The following GRM7 variants were observed in gnomAD, a reference collection of about 807,000 sequenced individuals.
GRM7 encodes metabotropic glutamate receptor 7.
In GRM7, 35 loss-of-function variants were observed where a neutral mutation model predicts 84.5. The observed-to-expected ratio is 0.41, with a 90% CI of 0.32 to 0.55. The LOEUF is 0.55. GRM7 is among the 20% of genes least tolerant of loss of function. The pLI is 0.19. For missense variants in GRM7, 1,003 were observed against 1,194.6 expected, an observed-to-expected ratio of 0.84 and a Z score of 2.36; for synonymous variants, 487 against 455.1, an observed-to-expected ratio of 1.07 and a Z score of -0.89.
intron 3 of GRM7, among the ~76,000 whole-genome samples, chr3:7,300,130 G>A (rs1699947280): frequency 6.6e-6 from 1 of 152,130 alleles, no homozygotes; most frequent in Non-Finnish European, 1.5e-5. Flanking sequence ...TGAAAGAGCT[G>A]TTTATGTGTG....
intron 2 of GRM7, among the ~76,000 whole-genome samples, chr3:7,219,940 A>T (rs181212754): frequency 6.6e-6 from 1 of 152,342 alleles, no homozygotes; most frequent in East Asian, 1.9e-4. Flanking sequence ...TGTCAAAGGG[A>T]TGCAGGACCA....
intron 4 of GRM7, among the ~76,000 whole-genome samples, chr3:7,310,555 A>G (rs1245667058): frequency 6.6e-6 from 1 of 152,160 alleles, no homozygotes; most frequent in Non-Finnish European, 1.5e-5. Flanking sequence ...GAATGGGGAA[A>G]AAAAATGAGA....
intron 4 of GRM7, among the ~76,000 whole-genome samples, chr3:7,321,561 C>A (rs1002374326): frequency 1.3e-5 from 2 of 151,126 alleles, no homozygotes; most frequent in African/African-American, 4.8e-5. Context: ...TTATCTTTTT[C>A]TATTTTATTT....
At chr3:6,995,686 C>A (rs1291708671) in intron 1 of GRM7, among the ~76,000 whole-genome samples, 2 of 152,084 alleles carry the variant, frequency 1.3e-5, no homozygotes, top group African/African-American at 4.8e-5. Context: ...ATTGGAACAG[C>A]TATTTTTAAA....
chr3:7,045,876 T>G (rs1287743627), intron 1 of GRM7, among the ~76,000 whole-genome samples: 2 of 152,150 alleles, frequency 1.3e-5, no homozygotes, highest in African/African-American at 4.8e-5. Context: ...TCAGGTTTCA[T>G]TTTCTATGGA....
chr3:7,518,007 A>C (rs1016318902), intron 7 of GRM7, among the ~76,000 whole-genome samples: 6 of 152,090 alleles, frequency 3.9e-5, no homozygotes, highest in African/African-American at 1.4e-4. Context: ...ATAAAAGAGG[A>C]CTTGGTTGGG....
At chr3:6,938,134 T>C (rs1254868486) in intron 1 of GRM7, among the ~76,000 whole-genome samples, 2 of 152,192 alleles carry the variant, frequency 1.3e-5, no homozygotes, top group African/African-American at 4.8e-5. Flanking sequence ...ATAGAGTCTC[T>C]AAGAAACAAT....
chr3:7,237,337 A>G (rs897323776), intron 2 of GRM7, among the ~76,000 whole-genome samples: 2 of 152,146 alleles, frequency 1.3e-5, no homozygotes, highest in Non-Finnish European at 2.9e-5. Flanking sequence ...TAGCTAGTGA[A>G]TAATCATTAT....
chr3:6,871,851 G>A (rs190652993), intron 1 of GRM7, among the ~76,000 whole-genome samples: 241 of 151,990 alleles, frequency 1.6e-3, no homozygotes, highest in Non-Finnish European at 2.4e-3. Flanking sequence ...TCTGAAGAAC[G>A]GAACAGAGGG....
chr3:7,099,270 TATGAATAC>T (rs1367439020), intron 1 of GRM7, among the ~76,000 whole-genome samples: 2 of 135,124 alleles, frequency 1.5e-5, no homozygotes, highest in African/African-American at 3.4e-5. Context: ...TACATGTATA[TATGAATAC>T]ATGTATTATA....
chr3:7,443,467 C>T (rs1236891224), intron 5 of GRM7, among the ~76,000 whole-genome samples: 8 of 151,974 alleles, frequency 5.3e-5, no homozygotes, highest in Admixed American at 2.6e-4. Flanking sequence ...GCACATCCCA[C>T]CTTTATTTGA....
chr3:7,142,642 T>C (rs1462293492), intron 1 of GRM7, among the ~76,000 whole-genome samples: 4 of 152,114 alleles, frequency 2.6e-5, no homozygotes, highest in African/African-American at 9.7e-5. Flanking sequence ...TGGGTGGGGA[T>C]ACAAAGCCTA....
At chr3:7,033,328 A>AATTC (rs1391620856) in intron 1 of GRM7, among the ~76,000 whole-genome samples, 27 of 152,200 alleles carry the variant, frequency 1.8e-4, no homozygotes, top group African/African-American at 5.3e-4. Flanking sequence ...TTCCAGGTGG[A>AATTC]CATGAATTCG....
At chr3:7,493,750 T>C (rs1699605397) in intron 7 of GRM7, among the ~76,000 whole-genome samples, 1 of 152,080 alleles carries the variant, frequency 6.6e-6, no homozygotes, top group Non-Finnish European at 1.5e-5. Context: ...CTTGCTCTTT[T>C]GTTTCTTTTA....
intron 1 of GRM7, among the ~76,000 whole-genome samples, chr3:7,108,058 C>T (rs1268909443): frequency 1.3e-5 from 2 of 152,062 alleles, no homozygotes; most frequent in East Asian, 3.9e-4. Flanking sequence ...AACTGTAATT[C>T]ACTGTACCAA....
intron 7 of GRM7, among the ~76,000 whole-genome samples, chr3:7,525,012 A>G (rs1700735706): frequency 1.3e-5 from 2 of 150,756 alleles, no homozygotes; most frequent in East Asian, 2.0e-4. Flanking sequence ...AACTATCACA[A>G]GAACAAAAAA....
chr3:7,125,170 C>A (rs1326327441), intron 1 of GRM7, among the ~76,000 whole-genome samples: 4 of 152,118 alleles, frequency 2.6e-5, no homozygotes, highest in Non-Finnish European at 4.4e-5. Context: ...AAACTCCTGA[C>A]CTCAAGTGTT....
chr3:7,096,168 C>T (rs904084946), intron 1 of GRM7, among the ~76,000 whole-genome samples: 3 of 152,082 alleles, frequency 2.0e-5, no homozygotes, highest in African/African-American at 7.2e-5. Context: ...CTCCTTAAAG[C>T]CTTACCCTGT....
intron 9 of GRM7, among the ~76,000 whole-genome samples, chr3:7,723,135 C>T (rs1379620147): frequency 6.6e-6 from 1 of 152,170 alleles, no homozygotes; most frequent in East Asian, 1.9e-4. Context: ...CCTACAGACA[C>T]CAGTACTCCA....
Sources: gnomAD v4.1 joint callset for allele counts (sites outside exome capture counted in the v4.1 genomes callset) on GRCh38, gnomAD v4.1.1 for gene constraint, MANE v1.5 for transcripts, NCBI Gene and HGNC (gene_info 2026-07-23, HGNC 2026-07-21) for gene names.